Variants in WARS1 observed in about 807,000 individuals in gnomAD.
WARS1 encodes tryptophanyl-tRNA synthetase 1, also known as tryptophan--tRNA ligase, cytoplasmic.
A neutral mutation model predicts 47.8 loss-of-function variants in WARS1; 17 were observed. The ratio of observed to expected loss-of-function variants is 0.36; its 90% confidence interval spans 0.24 to 0.53. The LOEUF (loss-of-function observed/expected upper bound fraction) is 0.53. WARS1 is among the 20% of genes least tolerant of loss of function. WARS1 has a pLI of 0.91. For synonymous variants in WARS1, 208 were observed against 228.1 expected, an observed-to-expected ratio of 0.91 and a Z score of 0.79; for missense variants, 434 against 608.0, an observed-to-expected ratio of 0.71 and a Z score of 3.01.
At position 100,358,079 on chromosome 14, in the gene WARS1, C is replaced by G. The variant is rs537441662; in HGVS notation, c.422+2475G>C. ...AAAAGCTGAAATTCATATGGAAATG[C>G]AAGGGGCCCAGAATACCTAAACAAT... On this transcript the variant is annotated intron_variant, in intron 4 of 10. Transcript: ENST00000392882. Among the ~76,000 whole-genome samples, 3 of 152,270 alleles carry G rather than the reference C, an allele frequency of 2.0e-5. No homozygotes were observed. In the East Asian group the frequency reaches 5.8e-4, roughly 29 times the overall value.
chr14:100,343,423 G>T (rs771067628), intron 7 of WARS1, 36 bp from the exon 8 acceptor site: 2 of 1,518,972 alleles, frequency 1.3e-6, no homozygotes, highest in South Asian at 1.2e-5. Context: ...CACGTGAGAT[G>T]AGTTCCTGTT....
At position 100,334,213 on chromosome 14, in the gene WARS1, G is replaced by C. The variant is rs1479907182; in HGVS notation, c.*662C>G. On this transcript the variant is annotated 3_prime_UTR_variant, in exon 11 of 11. Transcript: ENST00000392882. ...GCATGATTTCTGGAGTGGACTACAT[G>C]CATGGTCTGGAGTTCAGTAAACTGG... 6.5e-6 allele frequency: 1 copy of C among 152,678 alleles called. No homozygotes were observed. Among genetic ancestry groups the C allele is most frequent in the Non-Finnish European group, 1.5e-5 (1 of 68,066 alleles). 9.5% of individuals were successfully genotyped at this position (152,678 alleles called of 1,614,324 possible). A position where few individuals can be genotyped will look rare whatever the true frequency, so the allele number is the denominator to read the frequency against.
At chr14:100,362,076 C>T (rs868773806) in intron 2 of WARS1, among the ~76,000 whole-genome samples, 155 bp from the exon 3 acceptor site, 2 of 152,170 alleles carry the variant, frequency 1.3e-5, no homozygotes, top group Non-Finnish European at 2.9e-5. Flanking sequence ...TGTCACTGTC[C>T]TTTTCCAGCT....
At chr14:100,344,758 G>T (rs1305471501) in intron 7 of WARS1, among the ~76,000 whole-genome samples, 1 of 151,292 alleles carries the variant, frequency 6.6e-6, no homozygotes, top group Admixed American at 6.6e-5. Flanking sequence ...TGTGAGGAGC[G>T]CCTCTACCCG....
intron 4 of WARS1, 137 bp from the exon 5 acceptor site, chr14:100,354,703 TTATGA>T (rs1429361867): frequency 1.9e-6 from 2 of 1,042,304 alleles, no homozygotes; most frequent in Non-Finnish European, 2.7e-6. Flanking sequence ...CCTTTGGTGC[TTATGA>T]TATAAATATA....
chr14:100,359,194 T>C (rs1244810122), intron 4 of WARS1, among the ~76,000 whole-genome samples: 1 of 152,220 alleles, frequency 6.6e-6, no homozygotes, highest in Admixed American at 6.5e-5. Flanking sequence ...TGAAAACATA[T>C]ATCCACCCAA....
chr14:100,369,827 C>G (rs142825750), intron 1 of WARS1, among the ~76,000 whole-genome samples: 1 of 151,894 alleles, frequency 6.6e-6, no homozygotes, highest in Non-Finnish European at 1.5e-5. Flanking sequence ...CCATGCCCAG[C>G]GAATTTTTGT....
At chr14:100,341,643 G>A (rs1321769912) in intron 9 of WARS1, among the ~76,000 whole-genome samples, 1 of 152,232 alleles carries the variant, frequency 6.6e-6, no homozygotes, top group Admixed American at 6.5e-5. Context: ...CAACAGAACT[G>A]GGGCCATGCA....
Position 100,369,107 on chromosome 14 carries a change from T to C in WARS1, c.79A>G (p.Lys27Glu). 6.4e-7 allele frequency: 1 copy of C among 1,562,482 alleles called. No individual in the cohort carries two copies. The highest frequency in any genetic ancestry group is 8.7e-7 in the Non-Finnish European group (1 of 1,145,190). ...TGTACCTTTGACGCATTTCCCGCTT[T>C]GAGGGACCTTACGAGCTCCCCTTGT... Reference protein sequence around the residue: ...ATQGELVRSLKAGNASKDEID... With the variant: ...ATQGELVRSLEAGNASKDEID... The change falls in exon 2 of 11, where the codon AAA becomes GAA. Residue 27 changes from lysine to glutamate, a missense_variant. Physicochemically the swap from Lys to Glu is moderately conservative, Grantham distance 56. Coordinates refer to ENST00000392882, the MANE Select transcript of WARS1 (RefSeq NM_004184.4).
intron 4 of WARS1, among the ~76,000 whole-genome samples, chr14:100,355,123 C>G (rs1420539472): frequency 2.0e-5 from 3 of 152,162 alleles, no homozygotes; most frequent in Non-Finnish European, 4.4e-5. Flanking sequence ...TCATCCCCCT[C>G]CCTACCAGGC....
intron 9 of WARS1, chr14:100,342,034 G>C (rs1894194129): frequency 3.3e-6 from 1 of 301,524 alleles, no homozygotes; most frequent in Non-Finnish European, 6.6e-6. Context: ...AGCTGATGAT[G>C]AGAAATATAC....
chr14:100,360,576 T>G lies in WARS1; in HGVS notation c.400A>C (p.Arg134=). The change falls in exon 4 of 11, where the codon AGA becomes CGA. Residue 134 remains arginine (R), a synonymous_variant. Coordinates refer to ENST00000392882, the MANE Select transcript of WARS1 (RefSeq NM_004184.4). ...GACCTGTGTGAGAAGAAGATGCCTC[T>G]GCGCAGGAAGTGGTGTGGTCTTTGG... is the stretch of plus-strand genomic sequence containing the variant. The part of the protein sequence containing the change: ...TGQRPHHFLR[R]GIFFSHRDMN... 6.2e-7 allele frequency: 1 copy of G among 1,613,596 alleles called. No homozygotes were observed. Among genetic ancestry groups the G allele is most frequent in the Non-Finnish European group, 8.5e-7 (1 of 1,179,590 alleles).
chr14:100,341,259 C>T (rs1894143779), intron 9 of WARS1, among the ~76,000 whole-genome samples: 1 of 152,164 alleles, frequency 6.6e-6, no homozygotes, highest in Admixed American at 6.5e-5. Context: ...CAAAATAAAA[C>T]AGTGGACTTT....
At position 100,337,179 on chromosome 14, in the gene WARS1, T is replaced by C. The variant is rs771472910; in HGVS notation, c.1137A>G (p.Gly379=). 6.2e-7 allele frequency: 1 copy of C among 1,614,062 alleles called. No individual in the cohort carries two copies. Among genetic ancestry groups the C allele is most frequent in the Non-Finnish European group, 8.5e-7 (1 of 1,179,940 alleles). The change falls in exon 10 of 11, where the codon GGA becomes GGG. Residue 379 remains glycine (G), a synonymous_variant. Coordinates refer to ENST00000392882, the MANE Select transcript of WARS1 (RefSeq NM_004184.4). ...TGTGCTCCTCGATGGTGTCTCTCCC[T>C]CCAGAAAACGCATGCTTATTGACCT... ...KTKVNKHAFS[G]GRDTIEEHRQ...
chr14:100,376,319 C>G, upstream of WARS1: 1 of 1,152,990 alleles, frequency 8.7e-7, no homozygotes, highest in Non-Finnish European at 1.1e-6. Context: ...CCTGGGCGTC[C>G]GTGGAAACGC....
At chr14:100,366,845 G>A in intron 2 of WARS1, 1 of 1,585,818 alleles carries the variant, frequency 6.3e-7, no homozygotes, top group Non-Finnish European at 8.7e-7. Flanking sequence ...ATTCAAATGG[G>A]GATTTGCTGC....
At position 100,369,243 on chromosome 14, in the gene WARS1, AGCAGAC is replaced by A; in HGVS notation, c.-64_-59del. On this transcript the variant is annotated 5_prime_UTR_variant, in exon 2 of 11. Coordinates refer to ENST00000392882, the MANE Select transcript of WARS1 (RefSeq NM_004184.4). Reference sequence around the variant, plus strand: ...CGGCCTGAGGTCAGAGGATTTGTTCAGCAGACGAGTCAAGACTGGGGTGGGGGCGGG... The same window carrying A: ...CGGCCTGAGGTCAGAGGATTTGTTCAGAGTCAAGACTGGGGTGGGGGCGGG... The A allele has an allele frequency of 3.6e-6, 2 of 549,170 alleles. No individual in the cohort carries two copies. The highest frequency in any genetic ancestry group is 2.7e-6 in the Non-Finnish European group (1 of 369,402). 34.0% of individuals were successfully genotyped at this position (549,170 alleles called of 1,614,324 possible).
At chr14:100,341,285 C>A (rs564622900) in intron 9 of WARS1, among the ~76,000 whole-genome samples, 26 of 152,306 alleles carry the variant, frequency 1.7e-4, no homozygotes, top group African/African-American at 6.3e-4. Context: ...TGGCGCTTCC[C>A]TCCCCACTCT....
At chr14:100,349,994 T>C (rs1452513091) in intron 6 of WARS1, among the ~76,000 whole-genome samples, 1 of 152,268 alleles carries the variant, frequency 6.6e-6, no homozygotes, top group East Asian at 1.9e-4. Flanking sequence ...CCCTTTAAAA[T>C]GTCTCTCCTC....
Sources: allele counts gnomAD v4.1 joint callset (sites outside exome capture counted in the v4.1 genomes callset), GRCh38; gene constraint gnomAD v4.1.1; transcripts MANE v1.5; gene names NCBI Gene and HGNC (gene_info 2026-07-23, HGNC 2026-07-21).